RNF216: variants seen among roughly 807,000 people sequenced by gnomAD.
RNF216 encodes E3 ubiquitin-protein ligase RNF216.
Under a neutral mutation model 110.8 loss-of-function variants are expected in RNF216, and 72 were observed. That is an observed-to-expected ratio of 0.65 (90% CI 0.54 to 0.79). RNF216 has a LOEUF of 0.79. Among genes scored for constraint, RNF216 ranks in the 30% least tolerant of loss-of-function variants. The pLI is 0.00. For synonymous variants in RNF216, 495 were observed against 407.5 expected, an observed-to-expected ratio of 1.21 and a Z score of -2.59; for missense variants, 1,342 against 1,141.2, an observed-to-expected ratio of 1.18 and a Z score of -2.54.
At chr7:5,655,311 C>T (rs975383725) in intron 13 of RNF216, among the ~76,000 whole-genome samples, 10 of 152,104 alleles carry the variant, frequency 6.6e-5, no homozygotes, top group African/African-American at 1.9e-4. Context: ...CCGAGGGTCC[C>T]GGAGAACATA....
At chr7:5,757,957 C>A (rs1795734421) in intron 2 of RNF216, among the ~76,000 whole-genome samples, 1 of 152,104 alleles carries the variant, frequency 6.6e-6, no homozygotes, top group Admixed American at 6.6e-5. Context: ...CAGTTCAAGA[C>A]CAGCCTTGCC....
chr7:5,733,505 A>T (rs1562441820), intron 5 of RNF216, among the ~76,000 whole-genome samples: 1 of 152,220 alleles, frequency 6.6e-6, no homozygotes, highest in Non-Finnish European at 1.5e-5. Flanking sequence ...AATATACTCA[A>T]TTTCTATGAG....
chr7:5,675,893 G>A (rs1790257017), intron 13 of RNF216, among the ~76,000 whole-genome samples: 1 of 151,954 alleles, frequency 6.6e-6, no homozygotes, highest in African/African-American at 2.4e-5. Context: ...ATTTTTAGTA[G>A]AGACGGGGTT....
At position 5,741,128 on chromosome 7, in the gene RNF216, C is replaced by G. The variant is rs141968108; in HGVS notation, c.889G>C (p.Gly297Arg). 6.2e-6 allele frequency: 10 copies of G among 1,614,052 alleles called. No homozygotes were observed. The highest frequency in any genetic ancestry group is 7.6e-6 in the Non-Finnish European group (9 of 1,180,044). ...PSSPQPAHPL[G>R]EFEDQQLASD... ...GCTAACTGCTGGTCTTCAAACTCTC[C>G]TAGAGGATGGGCAGGCTGAGGAGAA... Residue 297 changes from glycine to arginine, a missense_variant, in exon 4 of 17, where the codon GGA becomes CGA. Coordinates refer to ENST00000389902, the MANE Select transcript of RNF216 (RefSeq NM_207111.4).
At chr7:5,639,897 C>T (rs1229483660) in intron 15 of RNF216, among the ~76,000 whole-genome samples, 2 of 151,572 alleles carry the variant, frequency 1.3e-5, no homozygotes, top group Admixed American at 6.6e-5. Flanking sequence ...GTAGCTGGGA[C>T]TACAGGCGCC....
intron 3 of RNF216, among the ~76,000 whole-genome samples, chr7:5,748,264 C>T (rs1236973350): frequency 6.6e-6 from 1 of 152,176 alleles, no homozygotes; most frequent in African/African-American, 2.4e-5. Flanking sequence ...TACAGTTCAC[C>T]TTTTGAAGGA....
At position 5,739,258 on chromosome 7, in the gene RNF216, G is replaced by A. The variant is rs554603579; in HGVS notation, c.1121+18C>T. 5 of 1,526,112 alleles carry A rather than the reference G, an allele frequency of 3.3e-6. No individual in the cohort carries two copies. Among genetic ancestry groups the A allele is most frequent in the Admixed American group, 4.7e-5 (2 of 42,538 alleles). 94.5% of individuals were successfully genotyped at this position (1,526,112 alleles called of 1,614,324 possible). A position where few individuals can be genotyped will look rare whatever the true frequency, so the allele number is the denominator to read the frequency against. ...CACCACCACCACCACCACAAAAAAA[G>A]CATGGTAGTATACTTACACATTCAG... On this transcript the variant is annotated intron_variant, in intron 5 of 16. Coordinates refer to ENST00000389902, the MANE Select transcript of RNF216 (RefSeq NM_207111.4).
chr7:5,738,681 C>T (rs900111090), intron 5 of RNF216, among the ~76,000 whole-genome samples: 4 of 121,434 alleles, frequency 3.3e-5, no homozygotes, highest in Admixed American at 1.1e-4. Flanking sequence ...GGACTCCAGT[C>T]TGGGAGACAG....
chr7:5,647,180 T>C (rs572069948), intron 14 of RNF216, among the ~76,000 whole-genome samples: 1 of 152,080 alleles, frequency 6.6e-6, no homozygotes, highest in East Asian at 1.9e-4. Context: ...CTTGCTCTGG[T>C]GGGAGATAGG....
chr7:5,761,693 G>A (rs1420678266), intron 1 of RNF216, among the ~76,000 whole-genome samples: 2 of 152,066 alleles, frequency 1.3e-5, no homozygotes, highest in African/African-American at 4.8e-5. Context: ...CACTGAGGCA[G>A]GAGAATCGCT....
At chr7:5,722,605 T>C (rs572109005) in intron 8 of RNF216, among the ~76,000 whole-genome samples, 62 of 151,786 alleles carry the variant, frequency 4.1e-4, no homozygotes, top group African/African-American at 1.4e-3. Context: ...TTAGCCAGGA[T>C]GGTCTTGATC....
chr7:5,707,489 C>T (rs751292223), intron 13 of RNF216, among the ~76,000 whole-genome samples: 4 of 151,998 alleles, frequency 2.6e-5, no homozygotes, highest in African/African-American at 7.2e-5. Context: ...TATCCTGCAC[C>T]TTTACTGAAT....
At chr7:5,651,741 C>G (rs1170480649) in intron 14 of RNF216, among the ~76,000 whole-genome samples, 1 of 152,096 alleles carries the variant, frequency 6.6e-6, no homozygotes, top group Admixed American at 6.5e-5. Flanking sequence ...CTCCGCCTCC[C>G]GGGTTCAACT....
intron 3 of RNF216, among the ~76,000 whole-genome samples, chr7:5,749,086 T>C (rs983137535): frequency 6.6e-6 from 1 of 152,006 alleles, no homozygotes; most frequent in Non-Finnish European, 1.5e-5. Flanking sequence ...GTGACTTAGG[T>C]ATTTTTGGTA....
intron 1 of RNF216, among the ~76,000 whole-genome samples, chr7:5,778,659 C>G (rs978578483): frequency 2.6e-5 from 4 of 152,246 alleles, no homozygotes; most frequent in Non-Finnish European, 4.4e-5. Context: ...GGCATGAACT[C>G]TGGGTCCAAA....
At chr7:5,632,758 C>G (rs555399370) in intron 15 of RNF216, among the ~76,000 whole-genome samples, 54 of 152,184 alleles carry the variant, frequency 3.5e-4, no homozygotes, top group Non-Finnish European at 5.7e-4. Flanking sequence ...GCCTGGGCGA[C>G]AAGAGCAAAA....
intron 2 of RNF216, among the ~76,000 whole-genome samples, chr7:5,756,621 G>C (rs1042286428): frequency 2.0e-5 from 3 of 152,008 alleles, no homozygotes; most frequent in Non-Finnish European, 4.4e-5. Flanking sequence ...GTTTGTTTTT[G>C]TTTTGTTTTT....
rs1584438193 is a variant in RNF216, at chr7:5,680,094, A to C, written c.2062-27584T>G. Among the ~76,000 whole-genome samples the C allele has an allele frequency of 6.6e-6, 1 of 152,170 alleles. No homozygotes were observed. The highest frequency in any genetic ancestry group is 1.9e-4 in the East Asian group (1 of 5,194). On this transcript the variant is annotated intron_variant, in intron 13 of 16. Coordinates refer to ENST00000389902, the MANE Select transcript of RNF216 (RefSeq NM_207111.4). This position sits in a 1 kb window ranked among gnomAD's most constrained non-coding sequence, Gnocchi z 4.3. ...CATGGATAGACTTCCTGCTGCAATCAGGAAGAAGTCCACGTTCTTCACACA... is the reference window on the plus strand; with the variant it reads ...CATGGATAGACTTCCTGCTGCAATCCGGAAGAAGTCCACGTTCTTCACACA...
At chr7:5,661,025 T>G (rs1287630816) in intron 13 of RNF216, among the ~76,000 whole-genome samples, 2 of 125,122 alleles carry the variant, frequency 1.6e-5, no homozygotes. Flanking sequence ...CACTGCAACC[T>G]CCGCCTCCAG....
Sources: gnomAD v4.1 joint callset for allele counts (sites outside exome capture counted in the v4.1 genomes callset) on GRCh38, gnomAD v4.1.1 for gene constraint, Gnocchi (gnomAD v3.1) non-coding constraint, MANE v1.5 for transcripts, NCBI Gene and HGNC (gene_info 2026-07-23, HGNC 2026-07-21) for gene names.